CFAP36: variants seen among roughly 807,000 people sequenced by gnomAD.
CFAP36 encodes cilia and flagella associated protein 36.
Under a neutral mutation model 50.5 loss-of-function variants are expected in CFAP36, and 37 were observed. The ratio of observed to expected loss-of-function variants is 0.73; its 90% CI spans 0.56 to 0.96. CFAP36 has a LOEUF of 0.96. Among genes scored for constraint, CFAP36 ranks in the 50% least tolerant of loss-of-function variants. The pLI is 0.00. For missense variants in CFAP36, 407 were observed against 396.2 expected, an observed-to-expected ratio of 1.03 and a Z score of -0.23; for synonymous variants, 138 against 128.2, an observed-to-expected ratio of 1.08 and a Z score of -0.52.
At position 55,537,604 on chromosome 2, in the gene CFAP36, G is replaced by C. The variant is rs1460769853; in HGVS notation, c.640+19G>C. 6.6e-7 allele frequency: 1 copy of C among 1,504,302 alleles called. No individual in the cohort carries two copies. The highest frequency in any genetic ancestry group is 2.3e-5 in the East Asian group (1 of 44,228). 93.2% of individuals were successfully genotyped at this position (1,504,302 alleles called of 1,614,324 possible). A position where few individuals can be genotyped will look rare whatever the true frequency, so the allele number is the denominator to read the frequency against. On this transcript the variant is annotated intron_variant, in intron 7 of 9. Transcript: ENST00000349456. ...CCCTCAGGTAAGGTTGAGGTGTACT[G>C]AACTTTCTCTAATAATATGAATACA...
At chr2:55,539,026 T>C (rs1574625009) in intron 7 of CFAP36, 1 of 952,688 alleles carries the variant, frequency 1.0e-6, no homozygotes, top group Non-Finnish European at 1.4e-6. Context: ...CCCCATATAG[T>C]CCCTGCCCTA....
Position 55,524,403 on chromosome 2 carries a change from G to A in CFAP36, c.282+581G>A, listed in dbSNP as rs142166460. On this transcript the variant is annotated intron_variant, in intron 3 of 9. Coordinates refer to ENST00000349456, the MANE Select transcript of CFAP36 (RefSeq NM_080667.7). The stretch of plus-strand genomic sequence containing the variant: ...CCTGGTAGCTGGGACTACAGGTGCC[G>A]CACCAGCACACATGGCTAATTTTTT... Among the ~76,000 whole-genome samples, 1,067 of 149,078 alleles carry A rather than the reference G, an allele frequency of 7.2e-3. 11 individuals are homozygous for A. Among genetic ancestry groups the A allele is most frequent in the Non-Finnish European group, 0.012 (800 of 67,634 alleles).
chr2:55,533,620 G>A (rs569888693), intron 4 of CFAP36, among the ~76,000 whole-genome samples: 15 of 151,450 alleles, frequency 9.9e-5, no homozygotes, highest in Non-Finnish European at 1.9e-4. Flanking sequence ...GCTTGAAGCT[G>A]GGAGGCAGAG....
In CFAP36 at chr2:55,533,960, G is replaced by A. The variant is rs139897135; in HGVS notation, c.485G>A (p.Arg162Lys). 6.3e-7 allele frequency: 1 copy of A among 1,577,660 alleles called. No homozygotes were observed. Among genetic ancestry groups the A allele is most frequent in the Non-Finnish European group, 8.7e-7 (1 of 1,149,840 alleles). ...ATGAAAATCCTGAGGGAAGTTCTTA[G>A]GTACCATTCTTTAATTGTTTTTTAA... ...EEMKILREVL[R>K]KSKEEYDQEE... The change falls in exon 5 of 10, where the codon AGA becomes AAA. Residue 162 changes from arginine to lysine, a missense_variant and splice_region_variant. Coordinates refer to ENST00000349456, the MANE Select transcript of CFAP36 (RefSeq NM_080667.7).
intron 5 of CFAP36, among the ~76,000 whole-genome samples, chr2:55,535,471 A>G (rs1558912482): frequency 6.6e-6 from 1 of 152,232 alleles, no homozygotes; most frequent in African/African-American, 2.4e-5. Flanking sequence ...GGGTTCATTC[A>G]GAGTTCTAGA....
rs185497440 is a variant in CFAP36, at chr2:55,521,750, C to T, written c.116-352C>T. ...GTTCAAGCAATTCTCTTGCCTCAGCCTCCCGAGTAGCTGGGTCTACAGGCG... is the reference window on the plus strand; with the variant it reads ...GTTCAAGCAATTCTCTTGCCTCAGCTTCCCGAGTAGCTGGGTCTACAGGCG... On this transcript the variant is annotated intron_variant, in intron 1 of 9. Transcript: ENST00000349456. Among the ~76,000 whole-genome samples the T allele has an allele frequency of 7.1e-3, 1,079 of 151,902 alleles. 5 individuals carry two copies. The highest frequency in any genetic ancestry group is 0.014 in the South Asian group (66 of 4,820).
chr2:55,537,921 A>T (rs1684535259), intron 7 of CFAP36, among the ~76,000 whole-genome samples: 1 of 152,210 alleles, frequency 6.6e-6, no homozygotes, highest in African/African-American at 2.4e-5. Context: ...TTACAGTTGT[A>T]TGGTATTTGT....
At position 55,538,177 on chromosome 2, in the gene CFAP36, T is replaced by C. The variant is rs183340523; in HGVS notation, c.640+592T>C. On this transcript the variant is annotated intron_variant, in intron 7 of 9. Transcript: ENST00000349456. Reference sequence around the variant, plus strand: ...ACAAGTAATTCTGAAACAGAAATTATGGTCATGAATTCAGTTCATTTTATT... The same window carrying C: ...ACAAGTAATTCTGAAACAGAAATTACGGTCATGAATTCAGTTCATTTTATT... Among the ~76,000 whole-genome samples the C allele has an allele frequency of 2.4e-3, 361 of 152,328 alleles. 1 individual carries two copies. Among genetic ancestry groups the C allele is most frequent in the South Asian group, 3.7e-3 (18 of 4,830 alleles).
intron 4 of CFAP36, among the ~76,000 whole-genome samples, chr2:55,531,671 C>T (rs1349903188): frequency 6.6e-6 from 1 of 152,186 alleles, no homozygotes; most frequent in Non-Finnish European, 1.5e-5. Context: ...ATATTTCCTC[C>T]TGTACATCTC....
chr2:55,530,896 C>G (rs192297166), intron 4 of CFAP36: 57 of 152,312 alleles, frequency 3.7e-4, no homozygotes, highest in Admixed American at 1.2e-3. Flanking sequence ...ATCGTTGGCT[C>G]TTAAGGGCCT....
chr2:55,529,338 C>T (rs758640305), intron 4 of CFAP36, among the ~76,000 whole-genome samples: 3 of 151,626 alleles, frequency 2.0e-5, no homozygotes, highest in African/African-American at 4.8e-5. Context: ...AGGAGAATGG[C>T]GTGAACCCGG....
intron 6 of CFAP36, 102 bp from the exon 7 acceptor site, chr2:55,537,381 A>C: frequency 1.2e-6 from 1 of 838,814 alleles, no homozygotes; most frequent in Non-Finnish European, 1.8e-6. Flanking sequence ...AAAAGAAAAA[A>C]AAAAGAAAAC....
chr2:55,537,654 T>A, intron 7 of CFAP36, 69 bp downstream of exon 7: 5 of 984,986 alleles, frequency 5.1e-6, no homozygotes, highest in Non-Finnish European at 7.7e-6. Flanking sequence ...AATGTGCCAC[T>A]TTCTCATACT....
At chr2:55,538,716 T>C (rs1454397742) in intron 7 of CFAP36, 1 of 1,467,700 alleles carries the variant, frequency 6.8e-7, no homozygotes, top group Non-Finnish European at 9.2e-7. Flanking sequence ...GCACTAGGAT[T>C]ATAGGCATGA....
rs777206284 is a variant in CFAP36, at chr2:55,538,801, C to T, written c.640+1216C>T. ...AGCTGAGCGACTTGTCCAAGATCAC[C>T]GAACTCTTCAATGGTGAAATTATGA... On this transcript the variant is annotated intron_variant, in intron 7 of 9. Transcript: ENST00000349456. 1.4e-5 allele frequency: 21 copies of T among 1,545,810 alleles called. No individual in the cohort carries two copies. The East Asian group carries it at 1.5e-4, about 11-fold the overall frequency.
At chr2:55,530,070 A>C (rs1280849983) in intron 4 of CFAP36, among the ~76,000 whole-genome samples, 1 of 152,144 alleles carries the variant, frequency 6.6e-6, no homozygotes, top group Non-Finnish European at 1.5e-5. Flanking sequence ...TCCCCACCCA[A>C]ATCTCATCTT....
chr2:55,521,889 G>A (rs1684077425), intron 1 of CFAP36, among the ~76,000 whole-genome samples: 1 of 151,884 alleles, frequency 6.6e-6, no homozygotes, highest in Non-Finnish European at 1.5e-5. Flanking sequence ...CTTGGCCTCC[G>A]AAAGTGCTGG....
chr2:55,534,012 C>A (rs1684418667), intron 5 of CFAP36, 52 bp downstream of exon 5: 2 of 1,102,900 alleles, frequency 1.8e-6, no homozygotes, highest in Non-Finnish European at 2.7e-6. Flanking sequence ...ATTATATGAT[C>A]TGTACATATG....
At chr2:55,534,778 TCCCC>T (rs1684439440) in intron 5 of CFAP36, among the ~76,000 whole-genome samples, 1 of 151,830 alleles carries the variant, frequency 6.6e-6, no homozygotes. Context: ...ATCCTACAGT[TCCCC>T]CCACTTAGGT....
Sources: allele counts gnomAD v4.1 joint callset (sites outside exome capture counted in the v4.1 genomes callset), GRCh38; gene constraint gnomAD v4.1.1; transcripts MANE v1.5; gene names NCBI Gene and HGNC (gene_info 2026-07-23, HGNC 2026-07-21).